The following LTBP2 variants were observed in gnomAD, a reference collection of about 807,000 sequenced individuals.
LTBP2 encodes latent transforming growth factor beta binding protein 2.
LTBP2 carries 103 observed loss-of-function variants against 210.6 expected under a neutral mutation model. That is an observed-to-expected ratio of 0.49 (90% CI 0.42 to 0.58). The LOEUF (loss-of-function observed/expected upper bound fraction) is 0.58, where lower values mean the gene tolerates loss of function less well. Ranked by LOEUF, LTBP2 falls within the 20% of genes least tolerant of loss-of-function variation. The probability of loss-of-function intolerance (pLI) is 0.00; values close to 1 mark genes in which losing one functional copy is unlikely to be tolerated. For missense variants in LTBP2, 2,313 were observed against 2,494.5 expected (o/e 0.93, Z 1.55); for synonymous variants, 1,007 against 1,015.0 (o/e 0.99, Z 0.15).
Position 74,535,940 on chromosome 14 carries a change from A to G in LTBP2, c.1850T>C (p.Leu617Pro). Reference sequence around the variant, plus strand: ...GGGGGTCCTACCTTGGCAGTGAGTGAGGTTCAGTCTCTTGTACCCCTGAGG... The same window carrying G: ...GGGGGTCCTACCTTGGCAGTGAGTGGGGTTCAGTCTCTTGTACCCCTGAGG... ...ECPQGYKRLN[L>P]THCQDINECL... The change falls in exon 9 of 36, where the codon CTC becomes CCC. Residue 617 changes from leucine to proline, a missense_variant. Transcript: ENST00000261978. 6.2e-7 allele frequency: 1 copy of G among 1,614,118 alleles called. No individual in the cohort carries two copies. The highest frequency in any genetic ancestry group is 8.5e-7 in the Non-Finnish European group (1 of 1,180,004).
chr14:74,524,610 C>T (rs1457482095), intron 15 of LTBP2, among the ~76,000 whole-genome samples: 7 of 152,148 alleles, frequency 4.6e-5, no homozygotes, highest in African/African-American at 1.7e-4. Context: ...CCCCCACACC[C>T]GCCCCTCGCC....
intron 4 of LTBP2, among the ~76,000 whole-genome samples, chr14:74,554,020 G>A: frequency 1.3e-5 from 2 of 150,858 alleles, no homozygotes; most frequent in Non-Finnish European, 3.0e-5. Flanking sequence ...CTGAGAGGGT[G>A]GGAGAGGGTG....
At chr14:74,568,297 T>C (rs919628873) in intron 3 of LTBP2, among the ~76,000 whole-genome samples, 4 of 151,968 alleles carry the variant, frequency 2.6e-5, no homozygotes, top group Non-Finnish European at 5.9e-5. Flanking sequence ...TTCATAACAA[T>C]CCAAGAGCAG....
intron 34 of LTBP2, 155 bp from the exon 35 acceptor site, chr14:74,501,745 G>C: frequency 1.1e-6 from 1 of 881,422 alleles, no homozygotes; most frequent in Non-Finnish European, 1.7e-6. Context: ...AAAGATGCTA[G>C]AACAAAAGGC....
At chr14:74,583,504 G>A (rs1381832628) in intron 3 of LTBP2, among the ~76,000 whole-genome samples, 1 of 152,240 alleles carries the variant, frequency 6.6e-6, no homozygotes, top group East Asian at 1.9e-4. Context: ...TGGCCTGGAG[G>A]CTGCAGCTCA....
chr14:74,503,028 C>A, intron 33 of LTBP2, 94 bp from the exon 34 acceptor site: 1 of 1,541,940 alleles, frequency 6.5e-7, no homozygotes, highest in Non-Finnish European at 8.8e-7. Context: ...AGGACTGGTA[C>A]CCTCTGGGAG....
chr14:74,572,909 C>G (rs993139986), intron 3 of LTBP2, among the ~76,000 whole-genome samples: 21 of 152,206 alleles, frequency 1.4e-4, no homozygotes, highest in African/African-American at 5.1e-4. Context: ...CTCCCAGCCT[C>G]TTCCTTTCAA....
At chr14:74,525,746 GAA>G (rs2087263869) in intron 14 of LTBP2, among the ~76,000 whole-genome samples, 1 of 152,238 alleles carries the variant, frequency 6.6e-6, no homozygotes, top group Non-Finnish European at 1.5e-5. Flanking sequence ...CCTCTTGGGG[GAA>G]AGAGTCTAGC....
intron 3 of LTBP2, among the ~76,000 whole-genome samples, chr14:74,582,385 CACACACATACAT>C (rs1445348187): frequency 2.7e-5 from 3 of 110,942 alleles, no homozygotes; most frequent in South Asian, 2.7e-4. Context: ...TACATGCACA[CACACACATACAT>C]ACACACACAC....
rs763762642 is a variant in LTBP2, at chr14:74,551,262, G to A, written c.1488C>T (p.Gly496=). The A allele has an allele frequency of 6.2e-5, 100 of 1,610,250 alleles. No individual in the cohort carries two copies. Among genetic ancestry groups the A allele is most frequent in the Non-Finnish European group, 8.2e-5 (97 of 1,178,646 alleles). Residue 496 remains glycine, a synonymous_variant, in exon 7 of 36, where the codon GGC becomes GGT. Coordinates refer to ENST00000261978, the MANE Select transcript of LTBP2 (RefSeq NM_000428.3). ...TCTCCACTAGGGCCTCCTCCACCCC[G>A]CCCCGCACCTGGGCCACCTGGTGGA... ...VQIHQVAQVR[G]GVEEALVENS... is the part of the protein sequence containing the mutation.
intron 26 of LTBP2, 127 bp downstream of exon 26, chr14:74,507,052 T>C (rs1420782304): frequency 6.4e-7 from 1 of 1,569,538 alleles, no homozygotes; most frequent in East Asian, 2.3e-5. Context: ...CTCTGCTGGA[T>C]GGAAAATATA....
Position 74,536,010 on chromosome 14 carries a change from G to A in LTBP2, c.1790-10C>T. On this transcript the variant is annotated splice_polypyrimidine_tract_variant and intron_variant, in intron 8 of 35. Transcript: ENST00000261978. ...TCAATCACCGGGGAGGCTGAAGAGT[G>A]GAGATACGGACAGGTCTCACTGGAC... The A allele has an allele frequency of 2.5e-6, 4 of 1,613,250 alleles. No individual in the cohort carries two copies. The highest frequency in any genetic ancestry group is 4.5e-5 in the East Asian group (2 of 44,874).
chr14:74,575,139 G>A (rs1413898706), intron 3 of LTBP2, among the ~76,000 whole-genome samples: 1 of 152,218 alleles, frequency 6.6e-6, no homozygotes, highest in African/African-American at 2.4e-5. Flanking sequence ...TAGCTAGACC[G>A]TGTGCCCTGG....
In LTBP2 at chr14:74,549,947, C is replaced by G. The variant is rs1178267569; in HGVS notation, c.1705G>C (p.Glu569Gln). ...CAGCAGTCCTCCTGGGTAGTCAGCT[C>G]CAGCAGAGGGTTGGCACACTGGAAG... ...VNGQCANPLL[E>Q]LTTQEDCCGS... Residue 569 changes from glutamate (E) to glutamine (Q), a missense_variant, in exon 8 of 36, where the codon GAG becomes CAG. Glu to Gln is a conservative substitution (Grantham distance 29). This residue lies in a region of LTBP2 where 1,867 missense variants were observed against 1,976.9 expected (regional missense o/e 0.94). Coordinates refer to ENST00000261978, the MANE Select transcript of LTBP2 (RefSeq NM_000428.3). The G allele has an allele frequency of 6.2e-7, 1 of 1,613,888 alleles. No homozygotes were observed. The highest frequency in any genetic ancestry group is 8.5e-7 in the Non-Finnish European group (1 of 1,179,772).
chr14:74,552,605 A>G lies in LTBP2; in HGVS notation c.1193-212T>C, dbSNP rs56041554. The stretch of plus-strand genomic sequence containing the variant: ...CAGCCCCTGCCTTCCTGAAAAGTCT[A>G]TTTAGGCGTTTCCCTGCACCCCACA... On this transcript the variant is annotated intron_variant, in intron 5 of 35. Coordinates refer to ENST00000261978, the MANE Select transcript of LTBP2 (RefSeq NM_000428.3). 0.063 allele frequency among the ~76,000 whole-genome samples: 9,538 copies of G among 152,188 alleles called. 978 individuals are homozygous for G. The highest frequency in any genetic ancestry group is 0.22 in the African/African-American group (8,918 of 41,468).
intron 3 of LTBP2, 42 bp downstream of exon 3, chr14:74,585,812 A>C (rs2139787802): frequency 3.1e-6 from 5 of 1,613,786 alleles, no homozygotes; most frequent in Non-Finnish European, 4.2e-6. Context: ...CCAAAAAGAG[A>C]CTGAGCCCCA....
At chr14:74,557,116 G>A (rs2087739787) in intron 3 of LTBP2, among the ~76,000 whole-genome samples, 1 of 152,078 alleles carries the variant, frequency 6.6e-6, no homozygotes, top group Admixed American at 6.5e-5. Flanking sequence ...ACAAAAATTA[G>A]CTGGGTGTGG....
intron 10 of LTBP2, among the ~76,000 whole-genome samples, chr14:74,530,538 G>A (rs1357008258): frequency 6.6e-6 from 1 of 152,186 alleles, no homozygotes; most frequent in African/African-American, 2.4e-5. Context: ...TTTTTCTTGA[G>A]AAGAGTCTTG....
intron 3 of LTBP2, among the ~76,000 whole-genome samples, chr14:74,569,176 C>A (rs1035734229): frequency 5.4e-5 from 5 of 92,462 alleles, no homozygotes; most frequent in African/African-American, 2.1e-4. Context: ...AGAAGGGAAG[C>A]AGGGAGGGAG....
Sources: gnomAD v4.1 joint callset for allele counts (sites outside exome capture counted in the v4.1 genomes callset) on GRCh38, gnomAD v4.1.1 for gene constraint, gnomAD v4.1.1 regional missense constraint, MANE v1.5 for transcripts, NCBI Gene and HGNC (gene_info 2026-07-23, HGNC 2026-07-21) for gene names.